The following THEMIS variants were observed in gnomAD, a reference collection of about 807,000 sequenced individuals.
The protein encoded by THEMIS is thymocyte selection associated, also known as protein THEMIS.
Under a neutral mutation model 52.6 loss-of-function variants are expected in THEMIS, and 37 were observed. That is an observed-to-expected ratio of 0.70 (90% CI 0.54 to 0.93). The LOEUF is 0.93. THEMIS is among the 40% of genes least tolerant of loss of function. THEMIS has a pLI of 0.00. For synonymous variants in THEMIS, 292 were observed against 272.7 expected (o/e 1.07, Z -0.70); for missense variants, 808 against 763.1 (o/e 1.06, Z -0.69).
intron 4 of THEMIS, among the ~76,000 whole-genome samples, chr6:127,801,947 G>A (rs543104035): frequency 6.6e-6 from 1 of 152,306 alleles, no homozygotes; most frequent in East Asian, 1.9e-4. Context: ...GATATTAAGG[G>A]TGTGGGATAA....
intron 4 of THEMIS, among the ~76,000 whole-genome samples, chr6:127,754,575 C>T (rs577249770): frequency 2.0e-5 from 3 of 152,088 alleles, no homozygotes; most frequent in Non-Finnish European, 4.4e-5. Context: ...AACTCTCCCT[C>T]GATGAAATAA....
At chr6:127,765,295 T>A (rs1295491390) in intron 4 of THEMIS, among the ~76,000 whole-genome samples, 1 of 152,030 alleles carries the variant, frequency 6.6e-6, no homozygotes, top group East Asian at 1.9e-4. Flanking sequence ...TGCAACAAAG[T>A]TTGCATCGTG....
upstream of THEMIS, among the ~76,000 whole-genome samples, chr6:127,902,954 G>A (rs576184596): frequency 1.1e-3 from 168 of 152,062 alleles, no homozygotes; most frequent in African/African-American, 4.0e-3. Context: ...TAGCCAAACA[G>A]CCATTTCGTA....
chr6:127,750,889 G>GA (rs1314150612), intron 4 of THEMIS, among the ~76,000 whole-genome samples: 3 of 151,004 alleles, frequency 2.0e-5, no homozygotes, highest in East Asian at 1.9e-4. Flanking sequence ...TGCCCTTCAG[G>GA]AAAAAAAAGA....
intron 4 of THEMIS, among the ~76,000 whole-genome samples, chr6:127,730,712 C>T (rs1774763153): frequency 1.3e-5 from 2 of 151,998 alleles, no homozygotes; most frequent in South Asian, 4.2e-4. Context: ...GCAATGAAAG[C>T]ATATAACATC....
At chr6:127,860,389 ACTCT>A (rs1779756168) in intron 1 of THEMIS, among the ~76,000 whole-genome samples, 1 of 152,036 alleles carries the variant, frequency 6.6e-6, no homozygotes, top group Non-Finnish European at 1.5e-5. Context: ...GGCCATAGAG[ACTCT>A]CTCATCCCCA....
intron 2 of THEMIS, among the ~76,000 whole-genome samples, chr6:127,842,872 C>G (rs1318750036): frequency 6.6e-6 from 1 of 151,874 alleles, no homozygotes; most frequent in African/African-American, 2.4e-5. Context: ...CAAAGACAAC[C>G]TCTGAGACAT....
At chr6:127,869,103 T>C (rs1227974818) in intron 1 of THEMIS, among the ~76,000 whole-genome samples, 1 of 152,190 alleles carries the variant, frequency 6.6e-6, no homozygotes, top group Non-Finnish European at 1.5e-5. Flanking sequence ...TTCTGAAGTA[T>C]ATATGTATGA....
At chr6:127,814,062 T>G in intron 3 of THEMIS, 131 bp from the exon 4 acceptor site, 9 of 784,960 alleles carry the variant, frequency 1.1e-5, no homozygotes, top group Non-Finnish European at 1.7e-5. Context: ...ATATCATTTC[T>G]TATGTGTGAT....
intron 4 of THEMIS, among the ~76,000 whole-genome samples, chr6:127,761,661 A>ATAC (rs2114389972): frequency 6.6e-6 from 1 of 152,274 alleles, no homozygotes; most frequent in South Asian, 2.1e-4. Flanking sequence ...ACTAATGCAC[A>ATAC]TACTACTCTC....
intron 4 of THEMIS, among the ~76,000 whole-genome samples, chr6:127,796,145 A>G (rs1261454609): frequency 2.0e-5 from 3 of 152,232 alleles, no homozygotes; most frequent in Non-Finnish European, 4.4e-5. Context: ...ACTAAATATG[A>G]GAATGAGCAT....
chr6:127,702,616 G>GT, the THEMIS span, among the ~76,000 whole-genome samples: 3,854 of 140,808 alleles, frequency 0.027, 125 homozygotes, highest in African/African-American at 0.084. Context: ...TGTCTAACCT[G>GT]TTTTTTTTTT....
chr6:127,812,208 C>G (rs929863807), intron 4 of THEMIS, among the ~76,000 whole-genome samples: 1 of 152,138 alleles, frequency 6.6e-6, no homozygotes, highest in Non-Finnish European at 1.5e-5. Flanking sequence ...GCAAAGACCT[C>G]AAGTGGAAAT....
intron 1 of THEMIS, among the ~76,000 whole-genome samples, chr6:127,867,927 C>G (rs995758243): frequency 6.6e-6 from 1 of 151,528 alleles, no homozygotes; most frequent in Non-Finnish European, 1.5e-5. Flanking sequence ...CTATTAAACA[C>G]ACACACACAC....
chr6:127,746,812 AT>A (rs1775420624), intron 4 of THEMIS, among the ~76,000 whole-genome samples: 11 of 39,108 alleles, frequency 2.8e-4, no homozygotes, highest in Non-Finnish European at 3.9e-4. Flanking sequence ...TATATTATAT[AT>A]AATTATATAT....
chr6:127,775,115 T>C (rs1326783874), intron 4 of THEMIS, among the ~76,000 whole-genome samples: 1 of 152,134 alleles, frequency 6.6e-6, no homozygotes, highest in Non-Finnish European at 1.5e-5. Flanking sequence ...TTAGGACCCA[T>C]ATATGTTCCC....
intron 4 of THEMIS, among the ~76,000 whole-genome samples, chr6:127,777,010 A>G (rs541828598): frequency 4.7e-4 from 72 of 152,090 alleles, no homozygotes; most frequent in Non-Finnish European, 8.4e-4. Context: ...TTATATATAT[A>G]TATTTTCCCA....
At chr6:127,840,522 C>T (rs1779012327) in intron 2 of THEMIS, among the ~76,000 whole-genome samples, 1 of 152,078 alleles carries the variant, frequency 6.6e-6, no homozygotes, top group South Asian at 2.1e-4. Flanking sequence ...GTTTTATTTA[C>T]TTTCCTGAAT....
intron 1 of THEMIS, among the ~76,000 whole-genome samples, chr6:127,912,701 C>G (rs1180055584): frequency 1.3e-5 from 2 of 152,172 alleles, no homozygotes; most frequent in African/African-American, 2.4e-5. Context: ...TGACCTACTT[C>G]TATGGCCTAA....
Sources: gnomAD v4.1 joint callset for allele counts (sites outside exome capture counted in the v4.1 genomes callset) on GRCh38, gnomAD v4.1.1 for gene constraint, MANE v1.5 for transcripts, NCBI Gene and HGNC (gene_info 2026-07-23, HGNC 2026-07-21) for gene names.